Variants in NSMAF observed in about 807,000 individuals in gnomAD.
NSMAF encodes the protein neutral sphingomyelinase activation associated factor, also known as protein FAN.
NSMAF carries 90 observed loss-of-function variants against 134.9 expected under a neutral mutation model. That is an observed-to-expected ratio of 0.67 (90% CI 0.56 to 0.79). The LOEUF is 0.79. Among genes scored for constraint, NSMAF ranks in the 30% least tolerant of loss-of-function variants. The pLI, the probability that NSMAF is intolerant of heterozygous loss-of-function variation, is 0.00. For missense variants in NSMAF, 1,010 were observed against 1,119.0 expected, an observed-to-expected ratio of 0.90 and a Z score of 1.39; for synonymous variants, 358 against 389.6, an observed-to-expected ratio of 0.92 and a Z score of 0.96.
chr8:58,608,497 C>T (rs1046839807), intron 10 of NSMAF, among the ~76,000 whole-genome samples: 1 of 152,152 alleles, frequency 6.6e-6, no homozygotes, highest in African/African-American at 2.4e-5. Context: ...AGAGGTCAGT[C>T]TGTCCAACAG....
chr8:58,655,882 G>A (rs1400418606), intron 1 of NSMAF, among the ~76,000 whole-genome samples: 1 of 151,488 alleles, frequency 6.6e-6, no homozygotes, highest in Non-Finnish European at 1.5e-5. Flanking sequence ...ACTCCAGCCT[G>A]GGCGAGAGTG....
chr8:58,617,049 G>GA (rs746546364), intron 9 of NSMAF, among the ~76,000 whole-genome samples: 4 of 152,156 alleles, frequency 2.6e-5, no homozygotes, highest in Non-Finnish European at 4.4e-5. Context: ...AGTGGGGCAT[G>GA]AAAGAGAAAT....
intron 11 of NSMAF, among the ~76,000 whole-genome samples, chr8:58,606,773 A>G (rs539330819): frequency 1.3e-5 from 2 of 152,330 alleles, no homozygotes; most frequent in South Asian, 4.1e-4. Context: ...ACCATGTACT[A>G]GCTGGGAGCT....
chr8:58,595,219 T>C (rs1806109029), intron 22 of NSMAF, among the ~76,000 whole-genome samples: 2 of 152,232 alleles, frequency 1.3e-5, no homozygotes, highest in South Asian at 4.1e-4. Context: ...TCGTGGGGTA[T>C]ACATCACACT....
chr8:58,657,108 A>C (rs376046267), intron 1 of NSMAF, among the ~76,000 whole-genome samples: 13 of 152,264 alleles, frequency 8.5e-5, no homozygotes, highest in Middle Eastern at 3.4e-3. Context: ...CGTCCTAAAA[A>C]CATCTAGAAT....
At chr8:58,595,767 A>C in intron 21 of NSMAF, 108 bp from the exon 22 acceptor site, 1 of 702,210 alleles carries the variant, frequency 1.4e-6, no homozygotes, top group Non-Finnish European at 2.5e-6. Context: ...GAAATGAAAC[A>C]CCCTGTCACA....
intron 1 of NSMAF, among the ~76,000 whole-genome samples, chr8:58,651,844 G>A (rs1807589379): frequency 6.6e-6 from 1 of 152,210 alleles, no homozygotes; most frequent in South Asian, 2.1e-4. Flanking sequence ...TCAGGGTGAG[G>A]CCTGAGAATG....
In NSMAF at chr8:58,597,459, G is replaced by T. The variant is rs762905527; in HGVS notation, c.1720C>A (p.Arg574=). 4 of 1,613,986 alleles carry T rather than the reference G, an allele frequency of 2.5e-6. No individual in the cohort carries two copies. In the African/African-American group the frequency reaches 5.3e-5, roughly 22 times the overall value. Residue 574 remains arginine, a synonymous_variant, in exon 21 of 31, where the codon CGA becomes AGA. Transcript: ENST00000038176. ...PKQLFVTPHP[R]RITPKFKSLS... ...CTTTTAAACTTTGGGGTGATCCTTC[G>T]AGGATGTGGTGTCACAAATAGTTGT...
intron 2 of NSMAF, chr8:58,640,060 T>C (rs1469478113): frequency 4.4e-6 from 2 of 455,532 alleles, no homozygotes; most frequent in Non-Finnish European, 8.8e-6. Context: ...AATGGGGAGA[T>C]GCTGGGCAAA....
At chr8:58,656,626 C>T (rs1454354288) in intron 1 of NSMAF, among the ~76,000 whole-genome samples, 1 of 151,940 alleles carries the variant, frequency 6.6e-6, no homozygotes, top group African/African-American at 2.4e-5. Context: ...GTCAGGAGAT[C>T]GAGACCATCC....
intron 6 of NSMAF, among the ~76,000 whole-genome samples, chr8:58,627,173 G>T (rs538242029): frequency 1.2e-3 from 177 of 152,304 alleles, no homozygotes; most frequent in African/African-American, 3.9e-3. Context: ...TGTTTACTCT[G>T]CTGGTTATTT....
At chr8:58,614,701 C>T (rs527241547) in intron 9 of NSMAF, among the ~76,000 whole-genome samples, 8 of 152,298 alleles carry the variant, frequency 5.3e-5, no homozygotes, top group East Asian at 1.9e-4. Flanking sequence ...GTCATTTGGA[C>T]GCTGAGTCAG....
At chr8:58,632,642 C>G (rs1231228671) in intron 5 of NSMAF, among the ~76,000 whole-genome samples, 1 of 152,188 alleles carries the variant, frequency 6.6e-6, no homozygotes, top group African/African-American at 2.4e-5. Flanking sequence ...TCTGTCCACT[C>G]TCAGTCCCCA....
chr8:58,639,413 C>T (rs1390972939), intron 2 of NSMAF, among the ~76,000 whole-genome samples: 1 of 152,212 alleles, frequency 6.6e-6, no homozygotes, highest in African/African-American at 2.4e-5. Flanking sequence ...GCTATTGCTT[C>T]ACACCTGTTA....
At chr8:58,611,744 GA>G (rs1358904083) in intron 9 of NSMAF, among the ~76,000 whole-genome samples, 6 of 151,770 alleles carry the variant, frequency 4.0e-5, no homozygotes, top group Non-Finnish European at 7.4e-5. Context: ...AACCAAAGGA[GA>G]AAAAAGAATG....
intron 5 of NSMAF, among the ~76,000 whole-genome samples, chr8:58,631,921 A>G (rs1807065289): frequency 6.6e-6 from 1 of 152,312 alleles, no homozygotes; most frequent in African/African-American, 2.4e-5. Flanking sequence ...AAATATGTTC[A>G]CTAACATAAA....
chr8:58,599,554 T>A, intron 18 of NSMAF, 191 bp from the exon 19 acceptor site: 1 of 879,882 alleles, frequency 1.1e-6, no homozygotes, highest in Non-Finnish European at 1.7e-6. Context: ...ATTTTCACAT[T>A]AAGGTCTCTC....
chr8:58,614,762 C>G (rs1806618703), intron 9 of NSMAF, among the ~76,000 whole-genome samples: 1 of 152,168 alleles, frequency 6.6e-6, no homozygotes, highest in South Asian at 2.1e-4. Flanking sequence ...CCCAAGGTCC[C>G]TCTCTCGTCC....
At chr8:58,595,517 A>G (rs16923588) in intron 22 of NSMAF, 43 bp downstream of exon 22, 509,241 of 1,401,876 alleles carry the variant, frequency 0.36, 98,459 homozygotes, top group African/African-American at 0.66. Context: ...CCTAACTTTT[A>G]CCAGGACTAT....
Sources: gnomAD v4.1 joint callset for allele counts (sites outside exome capture counted in the v4.1 genomes callset) on GRCh38, gnomAD v4.1.1 for gene constraint, MANE v1.5 for transcripts, NCBI Gene and HGNC (gene_info 2026-07-23, HGNC 2026-07-21) for gene names.